The following WDPCP variants were observed in gnomAD, a reference collection of about 807,000 sequenced individuals.
WDPCP encodes the protein WD repeat containing planar cell polarity effector, also known as WD repeat-containing and planar cell polarity effector protein fritz homolog.
In WDPCP, 71 loss-of-function variants were observed where a neutral mutation model predicts 93.1. The ratio of observed to expected loss-of-function variants is 0.76; its 90% CI spans 0.63 to 0.93. The LOEUF (loss-of-function observed/expected upper bound fraction) is 0.93, where lower values mean the gene tolerates loss of function less well. Ranked by LOEUF, WDPCP falls within the 40% of genes least tolerant of loss-of-function variation. The pLI is 0.00. For missense variants in WDPCP, 844 were observed against 887.4 expected, an observed-to-expected ratio of 0.95 and a Z score of 0.62; for synonymous variants, 315 against 315.0, an observed-to-expected ratio of 1.00 and a Z score of 0.00.
intron 2 of WDPCP, among the ~76,000 whole-genome samples, chr2:63,683,410 C>A (rs1003324829): frequency 1.1e-4 from 17 of 152,084 alleles, no homozygotes; most frequent in African/African-American, 4.1e-4. Flanking sequence ...AAAGATATTT[C>A]ATGCCAATGG....
At chr2:63,694,031 T>C (rs1668927798) in intron 2 of WDPCP, among the ~76,000 whole-genome samples, 3 of 152,236 alleles carry the variant, frequency 2.0e-5, no homozygotes, top group Admixed American at 2.0e-4. Flanking sequence ...GTGTATATTT[T>C]TAAATTCTTC....
intron 13 of WDPCP, among the ~76,000 whole-genome samples, chr2:63,285,917 C>A (rs927852516): frequency 1.3e-5 from 2 of 152,158 alleles, no homozygotes; most frequent in Admixed American, 6.5e-5. Context: ...TAAAGAGCAA[C>A]ACCCAGCAAG....
intron 2 of WDPCP, among the ~76,000 whole-genome samples, chr2:63,778,793 G>A (rs557399797): frequency 6.6e-6 from 1 of 152,246 alleles, no homozygotes; most frequent in South Asian, 2.1e-4. Flanking sequence ...TGTTGGTTCT[G>A]AGAATCTCCG....
chr2:63,676,972 A>AT (rs1394728890), intron 2 of WDPCP, among the ~76,000 whole-genome samples: 2 of 152,158 alleles, frequency 1.3e-5, no homozygotes, highest in Non-Finnish European at 2.9e-5. Context: ...TTTTCAGTGC[A>AT]TTTTTTGCAA....
At chr2:63,286,091 G>A (rs995893267) in intron 13 of WDPCP, among the ~76,000 whole-genome samples, 5 of 151,816 alleles carry the variant, frequency 3.3e-5, no homozygotes, top group African/African-American at 1.2e-4. Context: ...CTGCAGCCTC[G>A]AACTCTTAGG....
chr2:63,531,559 C>G (rs1426985567), intron 1 of WDPCP, among the ~76,000 whole-genome samples: 1 of 152,178 alleles, frequency 6.6e-6, no homozygotes, highest in Non-Finnish European at 1.5e-5. Context: ...TCCACTGGTG[C>G]TACCCAGGTA....
At chr2:63,713,120 T>C (rs558450995) in intron 2 of WDPCP, among the ~76,000 whole-genome samples, 17 of 152,356 alleles carry the variant, frequency 1.1e-4, no homozygotes, top group Admixed American at 9.1e-4. Flanking sequence ...GGGTGCACTA[T>C]GTGGGCATAT....
chr2:63,126,666 G>GTGTT (rs1553536654), intron 17 of WDPCP, among the ~76,000 whole-genome samples: 10 of 98,118 alleles, frequency 1.0e-4, no homozygotes, highest in African/African-American at 3.7e-4. Flanking sequence ...CTTGTTTTGT[G>GTGTT]TTTTTTTTTT....
At chr2:63,306,740 C>A (rs1428280780) in intron 13 of WDPCP, among the ~76,000 whole-genome samples, 2 of 152,100 alleles carry the variant, frequency 1.3e-5, no homozygotes, top group Admixed American at 1.3e-4. Flanking sequence ...TGGAACATAG[C>A]CCAAAATAAT....
chr2:63,301,225 C>T (rs1685307718), intron 13 of WDPCP, among the ~76,000 whole-genome samples: 1 of 152,202 alleles, frequency 6.6e-6, no homozygotes. Flanking sequence ...CGGGAAAATT[C>T]TGCCTTCAAC....
At chr2:63,457,324 A>AT (rs562897228) in intron 6 of WDPCP, among the ~76,000 whole-genome samples, 65 of 152,128 alleles carry the variant, frequency 4.3e-4, no homozygotes, top group Non-Finnish European at 8.2e-4. Context: ...CTGAATCAGT[A>AT]TAAAAAGTCT....
At position 63,293,550 on chromosome 2, in the gene WDPCP, G is replaced by GA. The variant is rs202079051; in HGVS notation, c.1812+19697dup. Among the ~76,000 whole-genome samples the GA allele has an allele frequency of 1.1e-4, 17 of 149,952 alleles. No individual in the cohort carries two copies. The South Asian group carries it at 1.3e-3, about 11-fold the overall frequency. On this transcript the variant is annotated intron_variant, in intron 13 of 17. Coordinates refer to ENST00000272321, the MANE Select transcript of WDPCP (RefSeq NM_015910.7). ...GAAAAAATAAACAGAAACTGTCCCT[G>GA]AAAAAAAAAGACCTAATGGCAGACC...
chr2:63,592,399 G>C (rs368099399), upstream of WDPCP, among the ~76,000 whole-genome samples: 1 of 152,316 alleles, frequency 6.6e-6, no homozygotes, highest in East Asian at 1.9e-4. Context: ...CACCAAGGCT[G>C]AAGTGCACTC....
At chr2:63,274,122 A>G (rs934632752) in intron 13 of WDPCP, among the ~76,000 whole-genome samples, 4 of 152,128 alleles carry the variant, frequency 2.6e-5, no homozygotes, top group Non-Finnish European at 5.9e-5. Context: ...ACTCTCAACA[A>G]ATTTTAAAAA....
At chr2:63,836,212 T>C in the WDPCP span, among the ~76,000 whole-genome samples, 1 of 152,206 alleles carries the variant, frequency 6.6e-6, no homozygotes, top group Non-Finnish European at 1.5e-5. Flanking sequence ...TTAAAATACA[T>C]TCCCTGAGAC....
intron 13 of WDPCP, among the ~76,000 whole-genome samples, chr2:63,301,340 G>C (rs766430662): frequency 6.6e-6 from 1 of 152,148 alleles, no homozygotes; most frequent in Admixed American, 6.5e-5. Context: ...TACCTGTTCT[G>C]CCTCCAATTA....
At chr2:63,436,386 T>C (rs1697136448) in intron 8 of WDPCP, among the ~76,000 whole-genome samples, 1 of 152,076 alleles carries the variant, frequency 6.6e-6, no homozygotes, top group South Asian at 2.1e-4. Flanking sequence ...TTATTCCACA[T>C]TAAAAATCTT....
At chr2:63,737,044 G>A (rs1400251052) in intron 2 of WDPCP, among the ~76,000 whole-genome samples, 2 of 152,032 alleles carry the variant, frequency 1.3e-5, no homozygotes, top group African/African-American at 4.8e-5. Context: ...TCTCCTGGAG[G>A]GCTCTCATCC....
intron 6 of WDPCP, among the ~76,000 whole-genome samples, chr2:63,476,113 A>G (rs1699957226): frequency 6.6e-6 from 1 of 152,274 alleles, no homozygotes; most frequent in South Asian, 2.1e-4. Flanking sequence ...ATCATTTGAA[A>G]TGATTTCAGG....
Sources: gnomAD v4.1 joint callset for allele counts (sites outside exome capture counted in the v4.1 genomes callset) on GRCh38, gnomAD v4.1.1 for gene constraint, MANE v1.5 for transcripts, NCBI Gene and HGNC (gene_info 2026-07-23, HGNC 2026-07-21) for gene names.